The following RTN4 variants were observed in gnomAD, a reference collection of about 807,000 sequenced individuals.
The protein encoded by RTN4 is reticulon 4, also known as reticulon-4.
Under a neutral mutation model 90.4 loss-of-function variants are expected in RTN4, and 32 were observed. The ratio of observed to expected loss-of-function variants is 0.35; its 90% CI spans 0.27 to 0.48. The LOEUF (loss-of-function observed/expected upper bound fraction) is 0.48. Ranked by LOEUF, RTN4 falls within the 20% of genes least tolerant of loss-of-function variation. The pLI, the probability that RTN4 is intolerant of heterozygous loss-of-function variation, is 0.99. For synonymous variants in RTN4, 629 were observed against 552.5 expected (o/e 1.14, Z -1.94); for missense variants, 1,706 against 1,430.2 (o/e 1.19, Z -3.11).
chr2:54,995,500 C>T (rs778103096), intron 3 of RTN4, among the ~76,000 whole-genome samples: 28 of 152,108 alleles, frequency 1.8e-4, no homozygotes, highest in Non-Finnish European at 3.4e-4. Flanking sequence ...CTTCATACTG[C>T]ATCATTTATT....
At chr2:55,037,850 T>C (rs1682797385) in intron 1 of RTN4, among the ~76,000 whole-genome samples, 1 of 152,094 alleles carries the variant, frequency 6.6e-6, no homozygotes, top group Admixed American at 6.6e-5. Context: ...AAAACAATTT[T>C]GAAAAAAGAT....
intron 5 of RTN4, among the ~76,000 whole-genome samples, chr2:54,977,127 TA>T (rs141618190): frequency 0.049 from 7,477 of 152,344 alleles, 287 homozygotes; most frequent in South Asian, 0.16. Flanking sequence ...GAGTGCTTAG[TA>T]AGATCTCAGA....
intron 2 of RTN4, among the ~76,000 whole-genome samples, chr2:55,073,288 C>T (rs1668546638): frequency 6.6e-6 from 1 of 152,126 alleles, no homozygotes; most frequent in African/African-American, 2.4e-5. Flanking sequence ...TACCAAACAA[C>T]CAAGAGCGTT....
At chr2:55,087,939 C>T (rs900167599) in intron 1 of RTN4, among the ~76,000 whole-genome samples, 3 of 152,140 alleles carry the variant, frequency 2.0e-5, no homozygotes, top group African/African-American at 7.2e-5. Context: ...TAAATACATA[C>T]ACTTATATTT....
At chr2:55,110,246 G>A (rs1325982435) in intron 1 of RTN4, among the ~76,000 whole-genome samples, 1 of 150,934 alleles carries the variant, frequency 6.6e-6, no homozygotes, top group Non-Finnish European at 1.5e-5. Context: ...GGGAGGCAGA[G>A]GTTGCAGTGA....
chr2:55,011,942 C>T (rs921534391), intron 3 of RTN4, among the ~76,000 whole-genome samples: 1 of 152,174 alleles, frequency 6.6e-6, no homozygotes, highest in Non-Finnish European at 1.5e-5. Flanking sequence ...GGTCAGCAAG[C>T]CATATCATGG....
At chr2:55,076,367 C>A (rs916205774) in intron 2 of RTN4, among the ~76,000 whole-genome samples, 6 of 149,844 alleles carry the variant, frequency 4.0e-5, no homozygotes, top group African/African-American at 1.2e-4. Context: ...TTGGCTGTGT[C>A]CCCACCCAAA....
At chr2:54,973,441 T>A in intron 8 of RTN4, 122 bp downstream of exon 8, 1 of 836,816 alleles carries the variant, frequency 1.2e-6, no homozygotes, top group Non-Finnish European at 2.0e-6. Context: ...TTGGCAACTC[T>A]GAAGTCACAC....
At chr2:55,022,630 C>G (rs1267386891) in intron 3 of RTN4, among the ~76,000 whole-genome samples, 1 of 152,080 alleles carries the variant, frequency 6.6e-6, no homozygotes, top group Non-Finnish European at 1.5e-5. Context: ...CTCATTTCTT[C>G]TACCTACCAT....
chr2:55,033,213 C>T (rs1300316270), intron 1 of RTN4, among the ~76,000 whole-genome samples: 1 of 151,954 alleles, frequency 6.6e-6, no homozygotes, highest in Non-Finnish European at 1.5e-5. Context: ...AAGATAGAGA[C>T]AACCCTAAAA....
chr2:55,070,026 G>C (rs527685342), intron 2 of RTN4, among the ~76,000 whole-genome samples: 2 of 152,116 alleles, frequency 1.3e-5, no homozygotes, highest in African/African-American at 4.8e-5. Context: ...CAGTGGTTTC[G>C]ATGGCAGAGA....
rs760834227 is a variant in RTN4 at position 54,973,883 on chromosome 2, T to TACA, written c.3431-19_3431-17dup. On this transcript the variant is annotated splice_polypyrimidine_tract_variant and intron_variant, in intron 6 of 8. Transcript: ENST00000337526. ...GAAATGAGAGCTGAAAAGGGAAATA[T>TACA]ACAACTTTTCAAAAAGAACGGAATG... 25 of 1,607,204 alleles carry TACA rather than the reference T, an allele frequency of 1.6e-5. No homozygotes were observed. The East Asian group carries it at 5.1e-4, about 33-fold the overall frequency.
chr2:55,114,000 C>A (rs977920889), upstream of RTN4, among the ~76,000 whole-genome samples: 1 of 152,220 alleles, frequency 6.6e-6, no homozygotes, highest in Non-Finnish European at 1.5e-5. Flanking sequence ...AATGGCCTCA[C>A]AAATTTGCTT....
Position 54,992,360 on chromosome 2 carries a change from G to A in RTN4, c.3014-4662C>T, listed in dbSNP as rs546081324. On this transcript the variant is annotated intron_variant, in intron 3 of 8. Transcript: ENST00000337526. ...ATTAAAGTGCTTCAAAATGTTATAC[G>A]TGTGCATGCATAACAAATGGGCAAA... 5.9e-5 allele frequency among the ~76,000 whole-genome samples: 9 copies of A among 152,248 alleles called. No individual in the cohort carries two copies. In the East Asian group the frequency reaches 1.2e-3, roughly 20 times the overall value.
chr2:55,004,877 G>T (rs572843094), intron 3 of RTN4, among the ~76,000 whole-genome samples: 1 of 152,202 alleles, frequency 6.6e-6, no homozygotes, highest in Admixed American at 6.5e-5. Flanking sequence ...AGTACAAAAT[G>T]AAAACCGAGA....
the RTN4 span, among the ~76,000 whole-genome samples, chr2:55,127,320 C>T: frequency 2.0e-5 from 3 of 152,158 alleles, no homozygotes; most frequent in African/African-American, 7.2e-5. Flanking sequence ...TGGATGATTT[C>T]GTTTCATTTC....
the RTN4 span, among the ~76,000 whole-genome samples, chr2:55,125,582 G>A: frequency 7.9e-5 from 12 of 152,174 alleles, no homozygotes; most frequent in Admixed American, 5.2e-4. Context: ...CCTGGCCAAC[G>A]TGGTGAAACC....
At chr2:55,063,222 A>T (rs933261937) in intron 2 of RTN4, among the ~76,000 whole-genome samples, 16 of 152,218 alleles carry the variant, frequency 1.1e-4, no homozygotes, top group African/African-American at 3.1e-4. Context: ...ATTATATTTT[A>T]AAAAAATAGA....
intron 3 of RTN4, among the ~76,000 whole-genome samples, chr2:54,995,407 G>A (rs149610750): frequency 1.7e-3 from 256 of 152,174 alleles, no homozygotes; most frequent in Middle Eastern, 0.01. Flanking sequence ...ACAAATGTCT[G>A]CAAAGCAAAT....
Sources: allele counts gnomAD v4.1 joint callset (sites outside exome capture counted in the v4.1 genomes callset), GRCh38; gene constraint gnomAD v4.1.1; transcripts MANE v1.5; gene names NCBI Gene and HGNC (gene_info 2026-07-23, HGNC 2026-07-21).